Variants in CNTN5 observed in about 807,000 individuals in gnomAD.
CNTN5 encodes the protein contactin-5.
A neutral mutation model predicts 129.1 loss-of-function variants in CNTN5; 77 were observed. The ratio of observed to expected loss-of-function variants is 0.60; its 90% CI spans 0.50 to 0.72. The LOEUF is 0.72. CNTN5 is among the 30% of genes least tolerant of loss of function. The probability of loss-of-function intolerance (pLI) is 0.00; values close to 1 mark genes in which losing one functional copy is unlikely to be tolerated. For missense variants in CNTN5, 1,478 were observed against 1,328.8 expected, an observed-to-expected ratio of 1.11 and a Z score of -1.75; for synonymous variants, 509 against 465.6, an observed-to-expected ratio of 1.09 and a Z score of -1.20.
chr11:99,897,746 C>T (rs1471048901), intron 6 of CNTN5, among the ~76,000 whole-genome samples: 1 of 152,080 alleles, frequency 6.6e-6, no homozygotes, highest in African/African-American at 2.4e-5. Flanking sequence ...ATTAAAACTC[C>T]AAAACAACTA....
chr11:100,308,334 T>C, intron 20 of CNTN5, 25 bp from the exon 21 acceptor site: 7 of 1,597,754 alleles, frequency 4.4e-6, no homozygotes, highest in South Asian at 1.1e-5. Context: ...CTTTTTATAA[T>C]TGTGGTTTAT....
At chr11:99,966,547 T>G (rs1290373340) in intron 8 of CNTN5, among the ~76,000 whole-genome samples, 1 of 152,218 alleles carries the variant, frequency 6.6e-6, no homozygotes, top group Non-Finnish European at 1.5e-5. Flanking sequence ...AGTGTAATTC[T>G]CTTAGCACTT....
In CNTN5 at chr11:99,848,699, G is replaced by C. The variant is rs145477476; in HGVS notation, c.577+3437G>C. Among the ~76,000 whole-genome samples, 984 of 152,104 alleles carry C rather than the reference G, an allele frequency of 6.5e-3. 12 individuals carry two copies. Among genetic ancestry groups the C allele is most frequent in the African/African-American group, 0.021 (879 of 41,532 alleles). On this transcript the variant is annotated intron_variant, in intron 6 of 24. Coordinates refer to ENST00000524871, the MANE Select transcript of CNTN5 (RefSeq NM_014361.4). Reference sequence around the variant, plus strand: ...TTACTCAGTTTATAATAGTTTTATTGAATACTTATTTTTACCTTTTACACT... The same window carrying C: ...TTACTCAGTTTATAATAGTTTTATTCAATACTTATTTTTACCTTTTACACT...
intron 6 of CNTN5, among the ~76,000 whole-genome samples, chr11:99,851,875 T>G (rs1458456805): frequency 6.6e-6 from 1 of 152,174 alleles, no homozygotes; most frequent in Non-Finnish European, 1.5e-5. Context: ...TTTTCATAAC[T>G]TTTTCTCCTA....
At chr11:99,969,034 C>A (rs1357373443) in intron 8 of CNTN5, among the ~76,000 whole-genome samples, 3 of 151,962 alleles carry the variant, frequency 2.0e-5, no homozygotes, top group African/African-American at 7.2e-5. Flanking sequence ...AAGATGAATA[C>A]TTCATTTGCT....
intron 1 of CNTN5, among the ~76,000 whole-genome samples, chr11:99,275,671 G>T (rs889058723): frequency 6.6e-6 from 1 of 151,588 alleles, no homozygotes; most frequent in African/African-American, 2.4e-5. Context: ...CATGACTTGG[G>T]CTTTGACTGG....
rs190914242 is a variant in CNTN5 at position 100,186,030 on chromosome 11, G to A, written c.1581-5096G>A. Among the ~76,000 whole-genome samples the A allele has an allele frequency of 2.0e-3, 298 of 152,244 alleles. 1 individual carries two copies. Among genetic ancestry groups the A allele is most frequent in the African/African-American group, 6.7e-3 (280 of 41,546 alleles). On this transcript the variant is annotated intron_variant, in intron 13 of 24. Transcript: ENST00000524871. ...GTCTATTTGTAAAGGTTTAAACTAA[G>A]TTGTGTAGTATCTGACAAGTAAGCC...
At chr11:100,340,774 A>G in intron 22 of CNTN5, 125 bp downstream of exon 22, 1 of 847,186 alleles carries the variant, frequency 1.2e-6, no homozygotes, top group South Asian at 1.9e-5. Context: ...GTCTTGCTTC[A>G]GTGCTTAGAT....
intron 3 of CNTN5, among the ~76,000 whole-genome samples, chr11:99,806,905 T>C (rs889064590): frequency 2.6e-5 from 4 of 151,258 alleles, no homozygotes; most frequent in Non-Finnish European, 5.9e-5. Flanking sequence ...AAGATAACAA[T>C]GTAAACCTTT....
chr11:99,454,698 G>A (rs1944432976), intron 2 of CNTN5, among the ~76,000 whole-genome samples: 1 of 152,100 alleles, frequency 6.6e-6, no homozygotes, highest in Non-Finnish European at 1.5e-5. Context: ...ATTCTTTATA[G>A]CAGTGTGAAA....
chr11:99,121,285 C>A (rs1858313435), intron 1 of CNTN5, among the ~76,000 whole-genome samples: 1 of 152,072 alleles, frequency 6.6e-6, no homozygotes, highest in South Asian at 2.1e-4. Flanking sequence ...CAGGCACTCA[C>A]CACCATGCCC....
At chr11:100,189,296 C>A (rs1010264294) in intron 13 of CNTN5, among the ~76,000 whole-genome samples, 1 of 148,568 alleles carries the variant, frequency 6.7e-6, no homozygotes, top group African/African-American at 2.5e-5. Context: ...TTGTGGTACT[C>A]AAAATTCTGC....
chr11:99,692,524 G>C (rs972858387), intron 3 of CNTN5, among the ~76,000 whole-genome samples: 2 of 152,146 alleles, frequency 1.3e-5, no homozygotes, highest in African/African-American at 4.8e-5. Flanking sequence ...ATTCAGGGTT[G>C]AAATTTCTTT....
At chr11:99,373,440 G>A (rs779401357) in intron 2 of CNTN5, among the ~76,000 whole-genome samples, 5 of 151,054 alleles carry the variant, frequency 3.3e-5, no homozygotes, top group Admixed American at 6.6e-5. Flanking sequence ...AAGGCCGGGC[G>A]TGGTGGCTCA....
chr11:100,004,120 T>G (rs1422677933), intron 9 of CNTN5, among the ~76,000 whole-genome samples: 2 of 152,178 alleles, frequency 1.3e-5, no homozygotes, highest in African/African-American at 2.4e-5. Context: ...TTGAGCTGCT[T>G]CTTACTTCAG....
chr11:99,711,342 T>C (rs1345370321), intron 3 of CNTN5, among the ~76,000 whole-genome samples: 1 of 151,936 alleles, frequency 6.6e-6, no homozygotes, highest in Non-Finnish European at 1.5e-5. Flanking sequence ...TGTATTGTTA[T>C]TCATGGTTTA....
chr11:99,529,720 A>G (rs1044236782), intron 2 of CNTN5, among the ~76,000 whole-genome samples: 5 of 152,194 alleles, frequency 3.3e-5, no homozygotes, highest in Non-Finnish European at 7.3e-5. Context: ...AAGCAACAGT[A>G]GTTGGTTAAA....
Position 100,358,420 on chromosome 11 carries a change from C to A in CNTN5, c.*2200C>A, listed in dbSNP as rs1013153148. 2 of 151,830 alleles carry A rather than the reference C, an allele frequency of 1.3e-5. No individual in the cohort carries two copies. The highest frequency in any genetic ancestry group is 2.9e-5 in the Non-Finnish European group (2 of 67,828). 9.4% of individuals were successfully genotyped at this position (151,830 alleles called of 1,614,324 possible). A position where few individuals can be genotyped will look rare whatever the true frequency, so the allele number is the denominator to read the frequency against. On this transcript the variant is annotated 3_prime_UTR_variant, in exon 25 of 25. Coordinates refer to ENST00000524871, the MANE Select transcript of CNTN5 (RefSeq NM_014361.4). ...GAATCAGAGATATGGAATGTTTTTA[C>A]TTAACATACACAGAATATGTATTTT...
At chr11:100,099,111 T>C (rs1945124737) in intron 13 of CNTN5, among the ~76,000 whole-genome samples, 1 of 152,034 alleles carries the variant, frequency 6.6e-6, no homozygotes, top group African/African-American at 2.4e-5. Context: ...AATTTACAAA[T>C]TACTGAAGAA....
Sources: allele counts gnomAD v4.1 joint callset (sites outside exome capture counted in the v4.1 genomes callset), GRCh38; gene constraint gnomAD v4.1.1; transcripts MANE v1.5; gene names NCBI Gene and HGNC (gene_info 2026-07-23, HGNC 2026-07-21).